The following DBT variants were observed in gnomAD, a reference collection of about 807,000 sequenced individuals.
DBT encodes the protein lipoamide acyltransferase component of branched-chain alpha-keto acid dehydrogenase complex, mitochondrial.
Under a neutral mutation model 51.3 loss-of-function variants are expected in DBT, and 40 were observed. The observed-to-expected ratio is 0.78, with a 90% CI of 0.61 to 1.02. DBT has a LOEUF of 1.02. DBT is among the 50% of genes least tolerant of loss of function. DBT has a pLI of 0.00. For synonymous variants in DBT, 181 were observed against 190.4 expected (o/e 0.95, Z 0.41); for missense variants, 510 against 580.2 (o/e 0.88, Z 1.24).
rs1660605068 is a variant in DBT at position 100,187,199 on chromosome 1, A to G, written c.*9056T>C. The G allele has an allele frequency of 6.6e-6, 1 of 152,228 alleles. No homozygotes were observed. The highest frequency in any genetic ancestry group is 2.4e-5 in the African/African-American group (1 of 41,452). The allele number at this position is 152,228 out of a possible 1,614,324, so 9.4% of individuals were successfully genotyped here. A position where few individuals can be genotyped will look rare whatever the true frequency, so the allele number is the denominator to read the frequency against. On this transcript the variant is annotated 3_prime_UTR_variant, in exon 11 of 11. Coordinates refer to ENST00000370132, the MANE Select transcript of DBT (RefSeq NM_001918.5). ...AATATTCTGCAAACTTATTGGGGGT[A>G]ATTTAAACCCCAAATCGGAAGAATA...
chr1:100,226,069 ATAACT>A (rs756810120), intron 4 of DBT, among the ~76,000 whole-genome samples: 10 of 152,278 alleles, frequency 6.6e-5, no homozygotes, highest in African/African-American at 1.7e-4. Context: ...GCTTTTTTAG[ATAACT>A]TAAATTGGTA....
chr1:100,214,689 G>C (rs1184379944), intron 7 of DBT, 128 bp downstream of exon 7: 1 of 884,730 alleles, frequency 1.1e-6, no homozygotes, highest in Non-Finnish European at 1.8e-6. Context: ...GGAAGGTGGA[G>C]GTTGCAGTGA....
At chr1:100,229,381 T>A (rs937580668) in intron 4 of DBT, among the ~76,000 whole-genome samples, 1 of 152,134 alleles carries the variant, frequency 6.6e-6, no homozygotes, top group Non-Finnish European at 1.5e-5. Flanking sequence ...TTGGCCAGGA[T>A]GGTCTCGATC....
chr1:100,190,317 A>C lies in DBT; in HGVS notation c.*5938T>G, dbSNP rs1433647397. 2.0e-5 allele frequency: 3 copies of C among 152,206 alleles called. No individual in the cohort carries two copies. The highest frequency in any genetic ancestry group is 7.2e-5 in the African/African-American group (3 of 41,460). The allele number at this position is 152,206 out of a possible 1,614,324, so 9.4% of individuals were successfully genotyped here. A position where few individuals can be genotyped will look rare whatever the true frequency, so the allele number is the denominator to read the frequency against. On this transcript the variant is annotated 3_prime_UTR_variant, in exon 11 of 11. Transcript: ENST00000370132. ...GAGATAGAATATGAAGAATCTCTTG[A>C]GAAGTGTTATGGGCCATGTCTGGAA... is the stretch of plus-strand genomic sequence containing the variant.
intron 2 of DBT, among the ~76,000 whole-genome samples, chr1:100,236,095 T>C (rs1663851492): frequency 6.7e-6 from 1 of 148,568 alleles, no homozygotes; most frequent in Non-Finnish European, 1.5e-5. Flanking sequence ...CATCCCTCCT[T>C]TTTTTTTTTG....
chr1:100,196,223 G>A lies in DBT; in HGVS notation c.*32C>T. 6.3e-7 allele frequency: 1 copy of A among 1,589,706 alleles called. No individual in the cohort carries two copies. The highest frequency in any genetic ancestry group is 8.6e-7 in the Non-Finnish European group (1 of 1,158,134). The stretch of plus-strand genomic sequence containing the variant: ...GCTAGGGTTTACATACTCTTTGGAA[G>A]CTCAAAAAGTTCAAGAATGTCTTAT... On this transcript the variant is annotated 3_prime_UTR_variant, in exon 11 of 11. Transcript: ENST00000370132.
chr1:100,225,204 G>A (rs1663117887), intron 4 of DBT, among the ~76,000 whole-genome samples: 1 of 151,196 alleles, frequency 6.6e-6, no homozygotes, highest in Non-Finnish European at 1.5e-5. Flanking sequence ...CCTTGGTAAT[G>A]CCTCCTTTCC....
Position 100,218,662 on chromosome 1 carries a change from T to C in DBT, c.519A>G (p.Ala173=). ...TTGCCAGACGGCGAACTGCAGGAGT[T>C]GCCAGTGTTTTTCGGCCCTTTATCT... is the stretch of plus-strand genomic sequence containing the variant. ...HQEIKGRKTL[A]TPAVRRLAME... Residue 173 remains alanine (A), a synonymous_variant, in exon 5 of 11, where the codon GCA becomes GCG. Transcript: ENST00000370132. 6.2e-7 allele frequency: 1 copy of C among 1,614,102 alleles called. No homozygotes were observed.
chr1:100,213,771 TA>T, intron 7 of DBT: 1 of 1,489,470 alleles, frequency 6.7e-7, no homozygotes. Context: ...GACTGTTTTG[TA>T]AAGCGAGGTG....
chr1:100,212,824 G>C (rs1331114594), intron 7 of DBT, among the ~76,000 whole-genome samples: 1 of 152,184 alleles, frequency 6.6e-6, no homozygotes, highest in African/African-American at 2.4e-5. Flanking sequence ...TTAATATGAG[G>C]GAGTGAGGTA....
chr1:100,201,631 A>C (rs903951562), intron 10 of DBT, among the ~76,000 whole-genome samples: 2 of 152,240 alleles, frequency 1.3e-5, no homozygotes, highest in African/African-American at 4.8e-5. Flanking sequence ...AATGAAGGAA[A>C]AAAATGTTAA....
intron 1 of DBT, among the ~76,000 whole-genome samples, chr1:100,246,826 G>A (rs1434070244): frequency 6.6e-6 from 1 of 152,218 alleles, no homozygotes; most frequent in East Asian, 1.9e-4. Flanking sequence ...GTGCTATAAT[G>A]AAGGAAATAG....
rs1650819462 is a variant in DBT, at chr1:100,210,739, G to C, written c.972C>G (p.Ile324Met). Residue 324 changes from isoleucine to methionine, a missense_variant, in exon 8 of 11, where the codon ATC becomes ATG. Transcript: ENST00000370132. Reference protein sequence around the residue: ...AASLGLLQFPILNASVDENCQ... With the variant: ...AASLGLLQFPMLNASVDENCQ... ...AGTTTTCATCCACAGAAGCGTTAAGGATAGGAAACTGTAGTAATCCCAAGG... is the reference window on the plus strand; with the variant it reads ...AGTTTTCATCCACAGAAGCGTTAAGCATAGGAAACTGTAGTAATCCCAAGG... 2 of 1,613,558 alleles carry C rather than the reference G, an allele frequency of 1.2e-6. No homozygotes were observed. The highest frequency in any genetic ancestry group is 8.5e-7 in the Non-Finnish European group (1 of 1,179,598).
At chr1:100,244,452 CAG>C (rs1482548462) in intron 1 of DBT, among the ~76,000 whole-genome samples, 1 of 152,072 alleles carries the variant, frequency 6.6e-6, no homozygotes, top group Admixed American at 6.5e-5. Context: ...TAGATTATAA[CAG>C]ATAAAATCTG....
chr1:100,198,250 T>C (rs1310449760), intron 10 of DBT, among the ~76,000 whole-genome samples: 1 of 152,130 alleles, frequency 6.6e-6, no homozygotes. Flanking sequence ...AAAGGACAAA[T>C]ACTGTATGAT....
In DBT at chr1:100,218,628, T is replaced by G. The variant is rs751394195; in HGVS notation, c.553A>C (p.Asn185His). The G allele has an allele frequency of 6.2e-7, 1 of 1,614,024 alleles. No homozygotes were observed. Among genetic ancestry groups the G allele is most frequent in the East Asian group, 2.2e-5 (1 of 44,870 alleles). Residue 185 changes from asparagine to histidine, a missense_variant and splice_region_variant, in exon 5 of 11, where the codon AAT becomes CAT. Coordinates refer to ENST00000370132, the MANE Select transcript of DBT (RefSeq NM_001918.5). ...ACTTAAATATTAAGAGAACTTACAT[T>G]GTTTTCCATTGCCAGACGGCGAACT... ...PAVRRLAMENNIKLSEVVGSG... is the reference protein window; with the variant it reads ...PAVRRLAMENHIKLSEVVGSG...
In DBT at chr1:100,206,491, G is replaced by A; in HGVS notation, c.1163C>T (p.Thr388Ile). Residue 388 changes from threonine to isoleucine, a missense_variant, in exon 9 of 11, where the codon ACC becomes ATC. Physicochemically the swap from Thr to Ile is moderately conservative, Grantham distance 89. Coordinates refer to ENST00000370132, the MANE Select transcript of DBT (RefSeq NM_001918.5). ...QKLGSVSQLS[T>I]TDLTGGTFTL... ...AAATGTTCCTCCTGTAAGATCAGTGGTGCTGAGCTGACTCACAGAGCCCAA... is the reference window on the plus strand; with the variant it reads ...AAATGTTCCTCCTGTAAGATCAGTGATGCTGAGCTGACTCACAGAGCCCAA... The A allele has an allele frequency of 6.2e-7, 1 of 1,613,896 alleles. No individual in the cohort carries two copies. The highest frequency in any genetic ancestry group is 8.5e-7 in the Non-Finnish European group (1 of 1,179,780).
chr1:100,249,675 A>G (rs1664799310), intron 1 of DBT, 95 bp downstream of exon 1: 2 of 1,203,986 alleles, frequency 1.7e-6, no homozygotes, highest in Non-Finnish European at 2.5e-6. Context: ...CGTGCCCTGG[A>G]CGCCTGGCAC....
chr1:100,222,430 T>C (rs1662902885), intron 4 of DBT, among the ~76,000 whole-genome samples: 4 of 152,232 alleles, frequency 2.6e-5, no homozygotes, highest in Admixed American at 2.6e-4. Context: ...AAAATGAAGC[T>C]GATATCCATC....
Sources: gnomAD v4.1 joint callset for allele counts (sites outside exome capture counted in the v4.1 genomes callset) on GRCh38, gnomAD v4.1.1 for gene constraint, MANE v1.5 for transcripts, NCBI Gene and HGNC (gene_info 2026-07-23, HGNC 2026-07-21) for gene names.